ADK: variants seen among roughly 807,000 people sequenced by gnomAD.
ADK encodes the protein N6,N6-dimethyladenosine kinase.
Under a neutral mutation model 44.7 loss-of-function variants are expected in ADK, and 24 were observed. The ratio of observed to expected loss-of-function variants is 0.54; its 90% confidence interval spans 0.39 to 0.76. The LOEUF is 0.76. Ranked by LOEUF, ADK falls within the 30% of genes least tolerant of loss-of-function variation. The pLI is 0.00. For synonymous variants in ADK, 128 were observed against 142.6 expected (o/e 0.90, Z 0.73); for missense variants, 321 against 425.1 (o/e 0.76, Z 2.15).
intron 4 of ADK, among the ~76,000 whole-genome samples, chr10:74,360,600 T>C (rs1564675548): frequency 6.6e-6 from 1 of 152,220 alleles, no homozygotes; most frequent in Non-Finnish European, 1.5e-5. Context: ...TAATATTTGC[T>C]TTATATATTT....
chr10:74,283,668 C>T (rs1174172946), intron 3 of ADK, among the ~76,000 whole-genome samples: 3 of 131,612 alleles, frequency 2.3e-5, no homozygotes, highest in African/African-American at 5.7e-5. Flanking sequence ...GAGTTTCGCT[C>T]TTGTTTTCTT....
chr10:74,687,520 G>T (rs1426968889), intron 10 of ADK, among the ~76,000 whole-genome samples: 3 of 152,216 alleles, frequency 2.0e-5, no homozygotes, highest in Non-Finnish European at 4.4e-5. Context: ...ACATTCTGCA[G>T]TGCTGGAAGT....
At chr10:74,220,248 G>A (rs527334972) in intron 2 of ADK, among the ~76,000 whole-genome samples, 3 of 152,164 alleles carry the variant, frequency 2.0e-5, no homozygotes, top group East Asian at 1.9e-4. Flanking sequence ...ATACCTCTAC[G>A]CAAATAAAGT....
chr10:74,594,671 TAAAA>T (rs10709030), intron 8 of ADK, among the ~76,000 whole-genome samples: 6 of 131,412 alleles, frequency 4.6e-5, no homozygotes, highest in African/African-American at 1.3e-4. Flanking sequence ...TACAAATAGG[TAAAA>T]AAAAAAAAAA....
chr10:74,560,602 T>C (rs1850423522), intron 7 of ADK, among the ~76,000 whole-genome samples: 1 of 152,240 alleles, frequency 6.6e-6, no homozygotes, highest in East Asian at 1.9e-4. Context: ...TAACAGTTTG[T>C]TCCTTCCTAA....
At chr10:74,269,890 C>T (rs1223021226) in intron 3 of ADK, among the ~76,000 whole-genome samples, 6 of 152,010 alleles carry the variant, frequency 3.9e-5, no homozygotes, top group African/African-American at 9.7e-5. Context: ...CCCAGCTACT[C>T]GGGAGGCTGA....
chr10:74,180,866 A>G (rs566649728), intron 1 of ADK, among the ~76,000 whole-genome samples: 1 of 152,248 alleles, frequency 6.6e-6, no homozygotes, highest in African/African-American at 2.4e-5. Flanking sequence ...TCTCTTTTCT[A>G]TTCTGGACAT....
At chr10:74,570,246 T>C (rs1052662704) in intron 7 of ADK, among the ~76,000 whole-genome samples, 23 of 152,158 alleles carry the variant, frequency 1.5e-4, no homozygotes, top group African/African-American at 5.1e-4. Context: ...AGGATTGACT[T>C]GGCGATGCGG....
At chr10:74,699,271 C>T (rs1213700874) in intron 10 of ADK, among the ~76,000 whole-genome samples, 1 of 150,454 alleles carries the variant, frequency 6.6e-6, no homozygotes, top group Non-Finnish European at 1.5e-5. Context: ...ACTTTGTTTA[C>T]TTGCTGACAC....
chr10:74,525,366 C>G lies in ADK; in HGVS notation c.666C>G (p.Phe222Leu). 6.2e-7 allele frequency: 1 copy of G among 1,613,606 alleles called. No individual in the cohort carries two copies. Among genetic ancestry groups the G allele is most frequent in the Non-Finnish European group, 8.5e-7 (1 of 1,179,772 alleles). ...TATCTGCACCGTTTATTAGCCAGTTCTACAAGGAATCATTGATGAAAGTTA... is the reference window on the plus strand; with the variant it reads ...TATCTGCACCGTTTATTAGCCAGTTGTACAAGGAATCATTGATGAAAGTTA... ...LNLSAPFISQFYKESLMKVMP... is the reference protein window; with the variant it reads ...LNLSAPFISQLYKESLMKVMP... Residue 222 changes from phenylalanine to leucine, a missense_variant, in exon 7 of 11, where the codon TTC (phenylalanine) becomes TTG (leucine). Physicochemically the swap from Phe to Leu is conservative, Grantham distance 22 (BLOSUM62 0). Transcript: ENST00000539909.
At chr10:74,558,159 G>A (rs1850329273) in intron 7 of ADK, among the ~76,000 whole-genome samples, 1 of 152,128 alleles carries the variant, frequency 6.6e-6, no homozygotes, top group Non-Finnish European at 1.5e-5. Context: ...TTTATCAAAG[G>A]TCTATGTGAC....
intron 6 of ADK, among the ~76,000 whole-genome samples, chr10:74,405,613 A>G (rs1014204667): frequency 2.0e-5 from 3 of 152,118 alleles, no homozygotes; most frequent in Non-Finnish European, 4.4e-5. Flanking sequence ...TTTGAACTGC[A>G]CAAGCGAGGG....
intron 4 of ADK, among the ~76,000 whole-genome samples, chr10:74,363,333 G>C (rs1379802890): frequency 1.3e-5 from 2 of 152,160 alleles, no homozygotes; most frequent in Non-Finnish European, 2.9e-5. Flanking sequence ...TCTTGGCTCA[G>C]AGGGGTGTGC....
At chr10:74,250,522 T>G (rs1845610624) in intron 3 of ADK, among the ~76,000 whole-genome samples, 1 of 152,178 alleles carries the variant, frequency 6.6e-6, no homozygotes, top group Non-Finnish European at 1.5e-5. Flanking sequence ...AGGTTAAAGT[T>G]GGCTTTTTAT....
At chr10:74,520,587 C>A in intron 6 of ADK, among the ~76,000 whole-genome samples, 1 of 92,550 alleles carries the variant, frequency 1.1e-5, no homozygotes. Flanking sequence ...TTAAGGTAAA[C>A]ACTGGTAAAA....
At chr10:74,176,833 C>T (rs747623137) in intron 1 of ADK, 9 of 1,605,428 alleles carry the variant, frequency 5.6e-6, no homozygotes, top group South Asian at 3.3e-5. Context: ...CGTAGAGCAT[C>T]GGACGCGGGC....
chr10:74,172,526 T>C (rs1842192657), intron 1 of ADK, among the ~76,000 whole-genome samples: 1 of 151,898 alleles, frequency 6.6e-6, no homozygotes, highest in African/African-American at 2.4e-5. Context: ...CCATCTCTTA[T>C]TAAAAATACA....
At chr10:74,246,968 A>C (rs1845436582) in intron 3 of ADK, among the ~76,000 whole-genome samples, 1 of 151,896 alleles carries the variant, frequency 6.6e-6, no homozygotes, top group African/African-American at 2.4e-5. Context: ...AAAAAGTTAT[A>C]TTTTAACTTC....
intron 7 of ADK, among the ~76,000 whole-genome samples, chr10:74,571,047 A>C (rs1031778752): frequency 6.6e-6 from 1 of 152,182 alleles, no homozygotes; most frequent in East Asian, 1.9e-4. Context: ...TGAGATAATC[A>C]TGTGGTTTTT....
Sources: allele counts gnomAD v4.1 joint callset (sites outside exome capture counted in the v4.1 genomes callset), GRCh38; gene constraint gnomAD v4.1.1; transcripts MANE v1.5; gene names NCBI Gene and HGNC (gene_info 2026-07-23, HGNC 2026-07-21).